DICER1: variants seen among roughly 807,000 people sequenced by gnomAD.
DICER1 encodes the protein endoribonuclease Dicer.
In DICER1, 43 loss-of-function variants were observed where a neutral mutation model predicts 194.1. That is an observed-to-expected ratio of 0.22 (90% CI 0.17 to 0.29). The LOEUF (loss-of-function observed/expected upper bound fraction) is 0.29. Ranked by LOEUF, DICER1 falls within the 10% of genes least tolerant of loss-of-function variation. The pLI, the probability that DICER1 is intolerant of heterozygous loss-of-function variation, is 1.00. For synonymous variants in DICER1, 832 were observed against 820.5 expected (o/e 1.01, Z -0.24); for missense variants, 1,608 against 2,317.0 (o/e 0.69, Z 6.28).
At chr14:95,151,569 CG>C (rs146891090) in intron 1 of DICER1, among the ~76,000 whole-genome samples, 4,224 of 152,244 alleles carry the variant, frequency 0.028, 193 homozygotes, top group African/African-American at 0.095. Flanking sequence ...ACTCAAGAGA[CG>C]TTGCCATATG....
chr14:95,133,043 T>C (rs1264543264), intron 2 of DICER1, among the ~76,000 whole-genome samples: 3 of 152,152 alleles, frequency 2.0e-5, no homozygotes, highest in Non-Finnish European at 4.4e-5. Context: ...CCCAGCTCAC[T>C]AGGACAGACA....
chr14:95,116,278 C>T (rs945131909), intron 10 of DICER1, among the ~76,000 whole-genome samples, 175 bp downstream of exon 10: 3 of 152,110 alleles, frequency 2.0e-5, no homozygotes, highest in East Asian at 3.9e-4. Flanking sequence ...ATAACACTGC[C>T]GGGTCTTTGT....
intron 1 of DICER1, among the ~76,000 whole-genome samples, chr14:95,149,115 C>A (rs910263930): frequency 6.6e-6 from 1 of 152,110 alleles, no homozygotes; most frequent in African/African-American, 2.4e-5. Context: ...GAATTTTATT[C>A]AATTCACGAC....
At chr14:95,115,535 T>A (rs1187819993) in intron 11 of DICER1, 132 bp downstream of exon 11, 3 of 1,013,668 alleles carry the variant, frequency 3.0e-6, no homozygotes, top group Non-Finnish European at 4.6e-6. Context: ...AAGTAACTTT[T>A]CTTTATCGAA....
chr14:95,130,332 T>C, intron 4 of DICER1, 140 bp from the exon 5 acceptor site: 3 of 770,200 alleles, frequency 3.9e-6, no homozygotes, highest in South Asian at 1.7e-5. Flanking sequence ...AAATACTAAA[T>C]ACATATAATT....
At chr14:95,153,521 C>T (rs961575369) in intron 1 of DICER1, among the ~76,000 whole-genome samples, 1 of 152,178 alleles carries the variant, frequency 6.6e-6, no homozygotes, top group Non-Finnish European at 1.5e-5. Flanking sequence ...CCATATATTG[C>T]TAATGTTATT....
rs1566777906 is a variant in DICER1, at chr14:95,108,394, C to T, written c.2366G>A (p.Arg789Lys). 3.7e-6 allele frequency: 6 copies of T among 1,614,110 alleles called. No individual in the cohort carries two copies. Among genetic ancestry groups the T allele is most frequent in the Non-Finnish European group, 4.2e-6 (5 of 1,180,002 alleles). The change falls in exon 15 of 27, where the codon AGG becomes AAG. Residue 789 changes from arginine (R) to lysine (K), a missense_variant. Around this residue, in one of 10 missense-constraint regions of DICER1, gnomAD observed 150 missense variants for 216.0 expected, o/e 0.69. Transcript: ENST00000343455. ...TPLPDELNFR[R>K]RKLYPPEDTT... is the part of the protein sequence containing the mutation. ...ATCTTCAGGAGGATAGAGCTTCCGC[C>T]TTCTAAAGTTGAGTTCATCAGGTAA...
Position 95,124,807 on chromosome 14 carries a change from G to T in DICER1, c.904-139C>A, listed in dbSNP as rs573514143. ...AGCCTTAGGTTAAGTCCCTGAAGGT[G>T]GGGGGAGAGGCCATTAGCCTTTTCA... On this transcript the variant is annotated intron_variant, in intron 7 of 26. Transcript: ENST00000343455. This position sits in a 1 kb window ranked among gnomAD's most constrained non-coding sequence, Gnocchi z 4.5. 3 of 701,930 alleles carry T rather than the reference G, an allele frequency of 4.3e-6. No individual in the cohort carries two copies. Among genetic ancestry groups the T allele is most frequent in the Non-Finnish European group, 7.2e-6 (3 of 413,876 alleles). 43.5% of individuals were successfully genotyped at this position (701,930 alleles called of 1,614,324 possible).
chr14:95,111,532 A>T, intron 13 of DICER1, 76 bp from the exon 14 acceptor site: 1 of 1,483,580 alleles, frequency 6.7e-7, no homozygotes, highest in Non-Finnish European at 9.4e-7. Context: ...GAACAGAACT[A>T]TGTTAGAAGG....
At position 95,124,349 on chromosome 14, in the gene DICER1, T is replaced by C. The variant is rs1893203328; in HGVS notation, c.1223A>G (p.Asn408Ser). ...CTCAGAATCACTCCATGACACATAA[T>C]TATCCTGATTTCTATTATTATACCA... Reference protein sequence around the residue: ...VEWYNNRNQDNYVSWSDSEDD... With the variant: ...VEWYNNRNQDSYVSWSDSEDD... Residue 408 changes from asparagine to serine, a missense_variant, in exon 8 of 27, where the codon AAT becomes AGT. Transcript: ENST00000343455. This position sits in a 1 kb window ranked among gnomAD's most constrained non-coding sequence, Gnocchi z 4.5. The C allele has an allele frequency of 3.1e-6, 5 of 1,614,060 alleles. No homozygotes were observed. The highest frequency in any genetic ancestry group is 1.3e-5 in the African/African-American group (1 of 75,062).
At chr14:95,147,799 C>G (rs1273210420) in intron 1 of DICER1, among the ~76,000 whole-genome samples, 1 of 152,196 alleles carries the variant, frequency 6.6e-6, no homozygotes, top group Non-Finnish European at 1.5e-5. Context: ...GTGCTCCCGA[C>G]CAATCAGTTA....
At chr14:95,137,492 G>T (rs537612065) in intron 1 of DICER1, among the ~76,000 whole-genome samples, 3 of 135,462 alleles carry the variant, frequency 2.2e-5, no homozygotes, top group Admixed American at 7.6e-5. Context: ...ATAGGGAAGG[G>T]GAAGGGAAAG....
chr14:95,122,226 T>G (rs1007594280), intron 8 of DICER1, among the ~76,000 whole-genome samples: 4 of 152,190 alleles, frequency 2.6e-5, no homozygotes, highest in Non-Finnish European at 5.9e-5. Flanking sequence ...ATAAACCTTT[T>G]CAGGCTAATA....
rs546783818 is a variant in DICER1 at position 95,130,338 on chromosome 14, T to C, written c.439-146A>G. Reference sequence around the variant, plus strand: ...TTAAAACTAAAATACTAAATACATATAATTTTATACATCAGAACTAAGAAG... The same window carrying C: ...TTAAAACTAAAATACTAAATACATACAATTTTATACATCAGAACTAAGAAG... On this transcript the variant is annotated intron_variant, in intron 4 of 26. Transcript: ENST00000343455. 2.3e-5 allele frequency: 17 copies of C among 743,872 alleles called. No homozygotes were observed. In the East Asian group the frequency reaches 3.3e-4, roughly 14 times the overall value. The allele number at this position is 743,872 out of a possible 1,614,324, so 46.1% of individuals were successfully genotyped here.
rs1423632011 is a variant in DICER1, at chr14:95,087,557, A to T, written c.*2941T>A. On this transcript the variant is annotated 3_prime_UTR_variant, in exon 27 of 27. Coordinates refer to ENST00000343455, the MANE Select transcript of DICER1 (RefSeq NM_177438.3). ...AACCACATTTTTTTCCTCTCTGTTA[A>T]GCATATTTTCTTGAAATGAGGTAAA... 1 of 233,080 alleles carries T rather than the reference A, an allele frequency of 4.3e-6. No homozygotes were observed. The highest frequency in any genetic ancestry group is 2.2e-5 in the African/African-American group (1 of 45,352). 14.4% of individuals were successfully genotyped at this position (233,080 alleles called of 1,614,324 possible).
chr14:95,142,510 A>G (rs1280844135), intron 1 of DICER1, among the ~76,000 whole-genome samples: 2 of 152,222 alleles, frequency 1.3e-5, no homozygotes, highest in Non-Finnish European at 2.9e-5. Flanking sequence ...GCCATAATCA[A>G]ATTACTAAGT....
At chr14:95,118,108 G>A (rs188980313) in intron 8 of DICER1, among the ~76,000 whole-genome samples, 30 of 152,200 alleles carry the variant, frequency 2.0e-4, no homozygotes, top group Admixed American at 1.9e-3. Flanking sequence ...TCTTGGCCTC[G>A]GGACAGGACG....
chr14:95,098,038 A>G lies in DICER1; in HGVS notation c.4207-1325T>C, dbSNP rs183448307. Among the ~76,000 whole-genome samples, 805 of 152,172 alleles carry G rather than the reference A, an allele frequency of 5.3e-3. 10 individuals carry two copies. Among genetic ancestry groups the G allele is most frequent in the South Asian group, 0.021 (102 of 4,816 alleles). On this transcript the variant is annotated intron_variant, in intron 22 of 26. Coordinates refer to ENST00000343455, the MANE Select transcript of DICER1 (RefSeq NM_177438.3). Reference sequence around the variant, plus strand: ...ATCAGACAATATTTTTTTTTTATTGAAAAAAACCTTCTGTATCTTTAGAAA... The same window carrying G: ...ATCAGACAATATTTTTTTTTTATTGGAAAAAACCTTCTGTATCTTTAGAAA...
At position 95,096,260 on chromosome 14, in the gene DICER1, T is replaced by C; in HGVS notation, c.4660A>G (p.Ile1554Val). Residue 1554 changes from isoleucine (I) to valine (V), a missense_variant, in exon 23 of 27, where the codon ATT becomes GTT. Coordinates refer to ENST00000343455, the MANE Select transcript of DICER1 (RefSeq NM_177438.3). ...ISYDLHTEQC[I>V]ADKSIADCVE... ...CAGTCCGCTATGCTTTTGTCAGCAATACACTGCTCAGTGTGCAAGTCGTAA... is the reference window on the plus strand; with the variant it reads ...CAGTCCGCTATGCTTTTGTCAGCAACACACTGCTCAGTGTGCAAGTCGTAA... The C allele has an allele frequency of 6.2e-7, 1 of 1,614,234 alleles. No individual in the cohort carries two copies. Among genetic ancestry groups the C allele is most frequent in the Non-Finnish European group, 8.5e-7 (1 of 1,180,032 alleles).
Sources: gnomAD v4.1 joint callset for allele counts (sites outside exome capture counted in the v4.1 genomes callset) on GRCh38, gnomAD v4.1.1 for gene constraint, gnomAD v4.1.1 regional missense constraint, Gnocchi (gnomAD v3.1) non-coding constraint, MANE v1.5 for transcripts, NCBI Gene and HGNC (gene_info 2026-07-23, HGNC 2026-07-21) for gene names.